Variants in FAM227B observed in about 807,000 individuals in gnomAD.
The protein encoded by FAM227B is family with sequence similarity 227 member B.
In FAM227B, 88 loss-of-function variants were observed where a neutral mutation model predicts 73.8. That is an observed-to-expected ratio of 1.19 (90% CI 1.00 to 1.42). The LOEUF is 1.42. Among genes scored for constraint, FAM227B ranks in the 40% most tolerant of loss-of-function variants. The pLI is 0.00. For missense variants in FAM227B, 632 were observed against 590.9 expected (o/e 1.07, Z -0.72); for synonymous variants, 210 against 190.5 (o/e 1.10, Z -0.84).
intron 13 of FAM227B, among the ~76,000 whole-genome samples, chr15:49,340,926 G>T (rs191904432): frequency 2.3e-4 from 35 of 152,220 alleles, no homozygotes; most frequent in African/African-American, 8.2e-4. Context: ...AATCCATTTT[G>T]AGTTAATTTT....
Position 49,588,098 on chromosome 15 carries a change from G to T in FAM227B, c.338-15C>A. 7.3e-7 allele frequency: 1 copy of T among 1,367,736 alleles called. No individual in the cohort carries two copies. Among genetic ancestry groups the T allele is most frequent in the Non-Finnish European group, 9.8e-7 (1 of 1,022,370 alleles). The allele number at this position is 1,367,736 out of a possible 1,614,324, so 84.7% of individuals were successfully genotyped here. On this transcript the variant is annotated splice_polypyrimidine_tract_variant and intron_variant, in intron 4 of 15. Coordinates refer to ENST00000299338, the MANE Select transcript of FAM227B (RefSeq NM_152647.3). ...TCTATAAGAACCTTTAAGAAAATAA[G>T]AATTCACAGTATATATATTATACAT...
At chr15:49,378,521 C>T (rs1904315) in intron 11 of FAM227B, among the ~76,000 whole-genome samples, 144,750 of 152,102 alleles carry the variant, frequency 0.95, 68,941 homozygotes, top group African/African-American at 0.98. Flanking sequence ...TATAGAGTTC[C>T]TTCACTTCTT....
At chr15:49,522,062 T>C (rs1405020491) in intron 10 of FAM227B, among the ~76,000 whole-genome samples, 1 of 152,112 alleles carries the variant, frequency 6.6e-6, no homozygotes, top group East Asian at 1.9e-4. Flanking sequence ...GGAGATAAGC[T>C]TCCTAAGACA....
chr15:49,439,921 G>C (rs1005937109), intron 11 of FAM227B, among the ~76,000 whole-genome samples: 1 of 151,774 alleles, frequency 6.6e-6, no homozygotes, highest in African/African-American at 2.4e-5. Context: ...GAAGTTTGCA[G>C]ATAGCCCTCA....
At chr15:49,337,804 ATG>A in intron 13 of FAM227B, among the ~76,000 whole-genome samples, 1 of 152,122 alleles carries the variant, frequency 6.6e-6, no homozygotes, top group South Asian at 2.1e-4. Context: ...TTTGCTGAGA[ATG>A]ATGGTTTCCA....
At chr15:49,426,124 A>C (rs1372485683) in intron 11 of FAM227B, among the ~76,000 whole-genome samples, 1 of 151,306 alleles carries the variant, frequency 6.6e-6, no homozygotes, top group Non-Finnish European at 1.5e-5. Flanking sequence ...ACATGGGGCA[A>C]CTCCCTGTCT....
chr15:49,389,286 C>T (rs2047061392), intron 11 of FAM227B, among the ~76,000 whole-genome samples: 1 of 151,860 alleles, frequency 6.6e-6, no homozygotes, highest in African/African-American at 2.4e-5. Context: ...GTGGCACATA[C>T]ACACCATGGA....
At position 49,608,474 on chromosome 15, in the gene FAM227B, A is replaced by G. The variant is rs1479282153; in HGVS notation, c.105+2741T>C. Among the ~76,000 whole-genome samples the G allele has an allele frequency of 2.6e-5, 4 of 152,080 alleles. 1 individual carries two copies. Among genetic ancestry groups the G allele is most frequent in the Non-Finnish European group, 1.5e-5 (1 of 67,966 alleles). ...TCACCCATGTCCCAAAGCCCAAGAG[A>G]CAATGCTGAAGTATCAAACAGAAGG... On this transcript the variant is annotated intron_variant, in intron 3 of 15. Coordinates refer to ENST00000299338, the MANE Select transcript of FAM227B (RefSeq NM_152647.3).
At chr15:49,554,155 G>T (rs1217950028) in intron 9 of FAM227B, among the ~76,000 whole-genome samples, 1 of 152,016 alleles carries the variant, frequency 6.6e-6, no homozygotes, top group African/African-American at 2.4e-5. Flanking sequence ...TGCTGGGGTT[G>T]AGCTGGTATC....
intron 11 of FAM227B, among the ~76,000 whole-genome samples, chr15:49,505,079 G>A (rs1428828031): frequency 6.6e-6 from 1 of 152,128 alleles, no homozygotes; most frequent in Non-Finnish European, 1.5e-5. Context: ...TACAAAGGAA[G>A]AGATTATTAA....
chr15:49,556,752 G>T (rs2073738951), intron 9 of FAM227B, among the ~76,000 whole-genome samples: 1 of 152,168 alleles, frequency 6.6e-6, no homozygotes, highest in African/African-American at 2.4e-5. Flanking sequence ...CCCCTAAAAT[G>T]AAAGTCTCCT....
intron 2 of FAM227B, among the ~76,000 whole-genome samples, chr15:49,613,047 G>A (rs576280640): frequency 6.7e-4 from 102 of 152,018 alleles, no homozygotes; most frequent in African/African-American, 2.3e-3. Flanking sequence ...ATAGTCAATG[G>A]GTACAAAAAT....
chr15:49,577,299 A>G, intron 6 of FAM227B: 1 of 331,110 alleles, frequency 3.0e-6, no homozygotes, highest in South Asian at 2.8e-5. Context: ...CCCATTCCCC[A>G]CACCCCCTGC....
At chr15:49,560,324 G>T (rs1339203950) in intron 9 of FAM227B, among the ~76,000 whole-genome samples, 1 of 151,606 alleles carries the variant, frequency 6.6e-6, no homozygotes, top group Non-Finnish European at 1.5e-5. Context: ...CAGACAAAAA[G>T]AAATAAAAAA....
Position 49,508,359 on chromosome 15 carries a change from A to G in FAM227B, c.875-11T>C. 2 of 1,558,256 alleles carry G rather than the reference A, an allele frequency of 1.3e-6. No individual in the cohort carries two copies. The highest frequency in any genetic ancestry group is 1.7e-6 in the Non-Finnish European group (2 of 1,160,588). On this transcript the variant is annotated splice_polypyrimidine_tract_variant and intron_variant, in intron 10 of 15. Coordinates refer to ENST00000299338, the MANE Select transcript of FAM227B (RefSeq NM_152647.3). ...TTTGAGGTTTTAAACCTGTTAATATAAAATACATATTTAGCCAAATAAATT... is the reference window on the plus strand; with the variant it reads ...TTTGAGGTTTTAAACCTGTTAATATGAAATACATATTTAGCCAAATAAATT...
intron 2 of FAM227B, among the ~76,000 whole-genome samples, chr15:49,612,997 G>C (rs1598568504): frequency 6.6e-6 from 1 of 152,128 alleles, no homozygotes; most frequent in East Asian, 1.9e-4. Flanking sequence ...ATGGTTGCCA[G>C]AGGCCGAGAA....
At chr15:49,388,264 A>G (rs2046999459) in intron 11 of FAM227B, among the ~76,000 whole-genome samples, 1 of 151,816 alleles carries the variant, frequency 6.6e-6, no homozygotes. Flanking sequence ...AAACAGCATG[A>G]TACTGATACA....
At chr15:49,528,552 AACAG>A (rs1287814658) in intron 10 of FAM227B, among the ~76,000 whole-genome samples, 6 of 151,912 alleles carry the variant, frequency 3.9e-5, no homozygotes, top group African/African-American at 1.2e-4. Flanking sequence ...AAACAGAGTA[AACAG>A]ACAATCTACA....
At chr15:49,476,665 A>G (rs2055350333) in intron 11 of FAM227B, among the ~76,000 whole-genome samples, 1 of 152,206 alleles carries the variant, frequency 6.6e-6, no homozygotes, top group African/African-American at 2.4e-5. Context: ...TGTCGGTACA[A>G]ATAGTTTCTC....
Sources: allele counts gnomAD v4.1 joint callset (sites outside exome capture counted in the v4.1 genomes callset), GRCh38; gene constraint gnomAD v4.1.1; transcripts MANE v1.5; gene names NCBI Gene and HGNC (gene_info 2026-07-23, HGNC 2026-07-21).